The following LRMDA variants were observed in gnomAD, a reference collection of about 807,000 sequenced individuals.
LRMDA encodes the protein leucine rich melanocyte differentiation associated.
LRMDA carries 18 observed loss-of-function variants against 29.8 expected under a neutral mutation model. The observed-to-expected ratio is 0.60, with a 90% CI of 0.42 to 0.90. LRMDA has a LOEUF of 0.90. Among genes scored for constraint, LRMDA ranks in the 40% least tolerant of loss-of-function variants. The probability of loss-of-function intolerance (pLI) is 0.00; values close to 1 mark genes in which losing one functional copy is unlikely to be tolerated. For synonymous variants in LRMDA, 125 were observed against 109.4 expected (o/e 1.14, Z -0.89); for missense variants, 273 against 273.9 (o/e 1.00, Z 0.02).
In LRMDA at chr10:75,852,137, C is replaced by G. The variant is rs1246238871; in HGVS notation, c.132-183871C>G. 2.6e-5 allele frequency among the ~76,000 whole-genome samples: 4 copies of G among 152,180 alleles called. No individual in the cohort carries two copies. In the East Asian group the frequency reaches 7.7e-4, roughly 29 times the overall value. Reference sequence around the variant, plus strand: ...ATGGCAGGATCCAAAAAAAGGCTGGCAGTAGGCCCTGAGCCATTTCATCAT... The same window carrying G: ...ATGGCAGGATCCAAAAAAAGGCTGGGAGTAGGCCCTGAGCCATTTCATCAT... On this transcript the variant is annotated intron_variant, in intron 2 of 6. Coordinates refer to ENST00000611255, the MANE Select transcript of LRMDA (RefSeq NM_001305581.2).
intron 2 of LRMDA, among the ~76,000 whole-genome samples, chr10:75,478,711 T>C (rs1024080998): frequency 3.3e-5 from 5 of 152,210 alleles, no homozygotes; most frequent in African/African-American, 9.7e-5. Flanking sequence ...ACCATTTTTT[T>C]CAATAATACA....
chr10:75,546,046 C>G (rs1161192965), intron 2 of LRMDA, among the ~76,000 whole-genome samples: 1 of 152,156 alleles, frequency 6.6e-6, no homozygotes, highest in Non-Finnish European at 1.5e-5. Flanking sequence ...GGCTTCTGCT[C>G]TTTTGGTGCT....
chr10:76,017,372 G>T (rs907727297), intron 2 of LRMDA, among the ~76,000 whole-genome samples: 1 of 152,204 alleles, frequency 6.6e-6, no homozygotes, highest in Non-Finnish European at 1.5e-5. Flanking sequence ...GAGGGAGCGT[G>T]GCCCTACTGA....
At chr10:76,142,403 A>T (rs1268074986) in intron 5 of LRMDA, among the ~76,000 whole-genome samples, 1 of 152,048 alleles carries the variant, frequency 6.6e-6, no homozygotes, top group Non-Finnish European at 1.5e-5. Flanking sequence ...TTTGTGTGTA[A>T]TATGCCATTT....
rs551619889 is a variant in LRMDA at position 75,621,713 on chromosome 10, G to A, written c.131+183219G>A. Among the ~76,000 whole-genome samples, 8 of 152,248 alleles carry A rather than the reference G, an allele frequency of 5.3e-5. No individual in the cohort carries two copies. In the East Asian group the frequency reaches 1.4e-3, roughly 26 times the overall value. ...AGCAGTTCATCCAGACAATTCTTGGGTTTGTGAGCTCTCTGAGCCACCTTT... is the reference window on the plus strand; with the variant it reads ...AGCAGTTCATCCAGACAATTCTTGGATTTGTGAGCTCTCTGAGCCACCTTT... On this transcript the variant is annotated intron_variant, in intron 2 of 6. Transcript: ENST00000611255.
chr10:76,076,297 C>T (rs551532644), intron 5 of LRMDA, among the ~76,000 whole-genome samples: 17 of 146,400 alleles, frequency 1.2e-4, no homozygotes, highest in Admixed American at 4.1e-4. Flanking sequence ...GAGCCGAGAC[C>T]GCCATGCCAC....
chr10:76,207,314 C>T (rs1589376454), intron 5 of LRMDA, among the ~76,000 whole-genome samples: 2 of 152,296 alleles, frequency 1.3e-5, no homozygotes, highest in Middle Eastern at 3.4e-3. Flanking sequence ...TTCTCAAGCT[C>T]TGACTAGCCT....
chr10:76,327,281 C>T (rs562363894), intron 6 of LRMDA, among the ~76,000 whole-genome samples: 1 of 152,062 alleles, frequency 6.6e-6, no homozygotes, highest in South Asian at 2.1e-4. Flanking sequence ...TTAGTAGAGA[C>T]AGGGTTTCAC....
intron 2 of LRMDA, among the ~76,000 whole-genome samples, chr10:75,954,076 A>G (rs1350744037): frequency 6.6e-6 from 1 of 152,228 alleles, no homozygotes; most frequent in Non-Finnish European, 1.5e-5. Context: ...CTAGAAGCAG[A>G]AAGTGGATCA....
intron 5 of LRMDA, among the ~76,000 whole-genome samples, chr10:76,118,083 C>T (rs1849697520): frequency 6.6e-6 from 1 of 152,146 alleles, no homozygotes; most frequent in Non-Finnish European, 1.5e-5. Context: ...TTTTAGTAGG[C>T]CCTAAGGATA....
chr10:75,553,196 C>T (rs1446711266), intron 2 of LRMDA, among the ~76,000 whole-genome samples: 2 of 152,226 alleles, frequency 1.3e-5, no homozygotes. Context: ...GAAATGGAGA[C>T]TCTTCTGTTG....
At chr10:76,035,120 C>T (rs1262599479) in intron 2 of LRMDA, among the ~76,000 whole-genome samples, 2 of 150,350 alleles carry the variant, frequency 1.3e-5, no homozygotes, top group East Asian at 1.9e-4. Context: ...TTCCTGGAGC[C>T]GGGTACTTAA....
At chr10:75,869,276 G>A (rs11001527) in intron 2 of LRMDA, among the ~76,000 whole-genome samples, 6,383 of 152,168 alleles carry the variant, frequency 0.042, 407 homozygotes, top group East Asian at 0.32. Context: ...GCATCATACA[G>A]ATGGTTAATA....
At chr10:75,492,353 C>T (rs1844998643) in intron 2 of LRMDA, among the ~76,000 whole-genome samples, 1 of 152,230 alleles carries the variant, frequency 6.6e-6, no homozygotes, top group Non-Finnish European at 1.5e-5. Flanking sequence ...TCCTTCCTAA[C>T]CTCTCTATAC....
chr10:76,046,691 C>T (rs1589302213), intron 3 of LRMDA, among the ~76,000 whole-genome samples: 1 of 152,098 alleles, frequency 6.6e-6, no homozygotes, highest in Non-Finnish European at 1.5e-5. Flanking sequence ...ACCATGTTGG[C>T]CAGGCTGGTC....
intron 6 of LRMDA, among the ~76,000 whole-genome samples, chr10:76,536,725 C>T (rs1366516115): frequency 6.6e-6 from 1 of 152,138 alleles, no homozygotes; most frequent in East Asian, 1.9e-4. Context: ...CCCTTTTCCC[C>T]TTCTTAGTGA....
intron 2 of LRMDA, among the ~76,000 whole-genome samples, chr10:75,638,624 A>G (rs1290379650): frequency 6.6e-6 from 1 of 152,244 alleles, no homozygotes; most frequent in Non-Finnish European, 1.5e-5. Flanking sequence ...GTACTTTAGC[A>G]ATTTATAACT....
chr10:76,166,836 A>G (rs578186745), intron 5 of LRMDA, among the ~76,000 whole-genome samples: 3 of 152,212 alleles, frequency 2.0e-5, no homozygotes, highest in African/African-American at 7.2e-5. Flanking sequence ...GTCGAATGGT[A>G]GCTCTATTTT....
chr10:76,431,798 TA>T (rs1842193207), intron 6 of LRMDA, among the ~76,000 whole-genome samples: 2 of 152,026 alleles, frequency 1.3e-5, no homozygotes, highest in African/African-American at 4.8e-5. Context: ...TGGTGGGAGG[TA>T]ATTGAATAAT....
Sources: gnomAD v4.1 joint callset for allele counts (sites outside exome capture counted in the v4.1 genomes callset) on GRCh38, gnomAD v4.1.1 for gene constraint, MANE v1.5 for transcripts, NCBI Gene and HGNC (gene_info 2026-07-23, HGNC 2026-07-21) for gene names.